The following PCGF5 variants were observed in gnomAD, a reference collection of about 807,000 sequenced individuals.
PCGF5 encodes the protein polycomb group ring finger 5, also known as polycomb group RING finger protein 5.
Under a neutral mutation model 44.3 loss-of-function variants are expected in PCGF5, and 9 were observed. The observed-to-expected ratio is 0.20, with a 90% CI of 0.12 to 0.35. PCGF5 has a LOEUF of 0.35. Among genes scored for constraint, PCGF5 ranks in the 10% least tolerant of loss-of-function variants. The pLI, the probability that PCGF5 is intolerant of heterozygous loss-of-function variation, is 1.00. For synonymous variants in PCGF5, 95 were observed against 102.5 expected (o/e 0.93, Z 0.44); for missense variants, 146 against 305.3 (o/e 0.48, Z 3.89).
At chr10:91,171,648 T>C (rs1023117926) in intron 1 of PCGF5, among the ~76,000 whole-genome samples, 23 of 151,862 alleles carry the variant, frequency 1.5e-4, no homozygotes, top group Admixed American at 1.5e-3. Flanking sequence ...GAATATGAGA[T>C]TAGAGTGTGT....
chr10:91,246,972 TA>T (rs1377295970), intron 3 of PCGF5, among the ~76,000 whole-genome samples: 19 of 8,440 alleles, frequency 2.3e-3, no homozygotes, highest in Middle Eastern at 0.038. Context: ...GATGGATAGA[TA>T]GATAGATAGA....
chr10:91,275,486 G>A (rs56018537), intron 9 of PCGF5, among the ~76,000 whole-genome samples: 2,292 of 151,534 alleles, frequency 0.015, 30 homozygotes, highest in Non-Finnish European at 0.023. Flanking sequence ...CTGTTGCCAG[G>A]CTGGAATGCA....
intron 3 of PCGF5, among the ~76,000 whole-genome samples, chr10:91,242,737 T>G (rs888610821): frequency 2.6e-5 from 4 of 152,202 alleles, no homozygotes; most frequent in African/African-American, 9.7e-5. Flanking sequence ...ATATGTGTAT[T>G]GGATGCTTTA....
At chr10:91,232,331 T>A (rs1035267331) in intron 2 of PCGF5, among the ~76,000 whole-genome samples, 1 of 152,142 alleles carries the variant, frequency 6.6e-6, no homozygotes, top group Non-Finnish European at 1.5e-5. Flanking sequence ...AATATTGTAC[T>A]ATGAATACAT....
chr10:91,226,090 A>G (rs1844827244), intron 2 of PCGF5, among the ~76,000 whole-genome samples: 1 of 152,062 alleles, frequency 6.6e-6, no homozygotes, highest in South Asian at 2.1e-4. Context: ...CAATGTTATG[A>G]TGCTACAAAG....
chr10:91,251,197 A>T lies in PCGF5; in HGVS notation c.326-95A>T, dbSNP rs1845615544. The T allele has an allele frequency of 3.0e-6, 3 of 1,004,244 alleles. 1 individual carries two copies. Among genetic ancestry groups the T allele is most frequent in the Admixed American group, 5.9e-5 (2 of 33,680 alleles). The allele number at this position is 1,004,244 out of a possible 1,614,324, so 62.2% of individuals were successfully genotyped here. A position where few individuals can be genotyped will look rare whatever the true frequency, so the allele number is the denominator to read the frequency against. The stretch of plus-strand genomic sequence containing the variant: ...TTCAAAAACTGTTAGGAAATTTTTT[A>T]AAGTTGATTTTTGTTTTGATTATCA... On this transcript the variant is annotated intron_variant, in intron 5 of 9. Coordinates refer to ENST00000336126, the MANE Select transcript of PCGF5 (RefSeq NM_032373.5).
chr10:91,231,629 C>T (rs1845006207), intron 2 of PCGF5, among the ~76,000 whole-genome samples: 1 of 152,192 alleles, frequency 6.6e-6, no homozygotes, highest in Admixed American at 6.5e-5. Context: ...TGGCCGCAGG[C>T]ACGTGGCGCA....
intron 1 of PCGF5, among the ~76,000 whole-genome samples, chr10:91,199,518 C>G (rs1003392282): frequency 6.6e-6 from 1 of 152,248 alleles, no homozygotes; most frequent in East Asian, 1.9e-4. Context: ...AAGAGGCCAA[C>G]AACATCCCCA....
At chr10:91,238,346 A>G (rs941309648) in intron 2 of PCGF5, among the ~76,000 whole-genome samples, 9 of 152,154 alleles carry the variant, frequency 5.9e-5, no homozygotes, top group Admixed American at 5.9e-4. Context: ...CTTGAGCCCT[A>G]CAACTCTTTC....
chr10:91,242,567 C>T (rs1845356770), intron 3 of PCGF5, among the ~76,000 whole-genome samples: 1 of 152,076 alleles, frequency 6.6e-6, no homozygotes. Context: ...AAACCCGCTC[C>T]CTTGGCTAAA....
chr10:91,237,142 GCTAT>G (rs1294435209), intron 2 of PCGF5, among the ~76,000 whole-genome samples: 1 of 152,126 alleles, frequency 6.6e-6, no homozygotes, highest in Non-Finnish European at 1.5e-5. Context: ...GAGGCCAAAT[GCTAT>G]CTAATTAATA....
At chr10:91,220,530 G>A (rs1376160598), upstream of PCGF5, 1 of 152,076 alleles carries the variant, frequency 6.6e-6, no homozygotes, top group African/African-American at 2.4e-5. Flanking sequence ...GCGGCCTCCG[G>A]GCGTGGTGGT....
intron 6 of PCGF5, among the ~76,000 whole-genome samples, chr10:91,260,968 T>G (rs1248598912): frequency 6.6e-6 from 1 of 151,506 alleles, no homozygotes; most frequent in Non-Finnish European, 1.5e-5. Flanking sequence ...ATAATAATAA[T>G]AATAATAAAA....
intron 1 of PCGF5, among the ~76,000 whole-genome samples, chr10:91,200,676 T>C (rs1402865448): frequency 2.0e-5 from 3 of 152,098 alleles, no homozygotes; most frequent in Non-Finnish European, 2.9e-5. Flanking sequence ...AGAGGCAGGA[T>C]TGTGTACTGG....
At chr10:91,220,389 T>C (rs1384986941), upstream of PCGF5, 2 of 152,196 alleles carry the variant, frequency 1.3e-5, no homozygotes, top group East Asian at 3.9e-4. Flanking sequence ...TGCCAGTCAT[T>C]GTTATGATGT....
chr10:91,223,039 T>C, intron 2 of PCGF5, 56 bp downstream of exon 2: 1 of 1,169,450 alleles, frequency 8.6e-7, no homozygotes, highest in African/African-American at 1.5e-5. Flanking sequence ...CATTTTGTTC[T>C]TTTAAAATTG....
chr10:91,276,105 G>GAAA lies in PCGF5; in HGVS notation c.724-2155_724-2153dup, dbSNP rs60879476. On this transcript the variant is annotated intron_variant, in intron 9 of 9. Coordinates refer to ENST00000336126, the MANE Select transcript of PCGF5 (RefSeq NM_032373.5). ...ATATGTTTAGCATGATTCCAGTTTT[G>GAAA]AAAAAAAAAAACGAATGTAGATAAA... 3.6e-3 allele frequency among the ~76,000 whole-genome samples: 505 copies of GAAA among 138,950 alleles called. 3 individuals carry two copies. The highest frequency in any genetic ancestry group is 0.012 in the African/African-American group (476 of 38,982). 91.2% of individuals were successfully genotyped at this position (138,950 alleles called of 152,430 possible).
At chr10:91,179,701 A>G (rs953615489) in intron 1 of PCGF5, among the ~76,000 whole-genome samples, 1 of 152,246 alleles carries the variant, frequency 6.6e-6, no homozygotes, top group African/African-American at 2.4e-5. Flanking sequence ...ATGGCTGCAT[A>G]GTATTCCATG....
intron 8 of PCGF5, among the ~76,000 whole-genome samples, chr10:91,269,032 G>A (rs1460695809): frequency 6.6e-6 from 1 of 152,086 alleles, no homozygotes; most frequent in African/African-American, 2.4e-5. Context: ...GATCTTTAAT[G>A]CAAATTCAGA....
Sources: allele counts gnomAD v4.1 joint callset (sites outside exome capture counted in the v4.1 genomes callset), GRCh38; gene constraint gnomAD v4.1.1; transcripts MANE v1.5; gene names NCBI Gene and HGNC (gene_info 2026-07-23, HGNC 2026-07-21).